KIAA0825: variants seen among roughly 807,000 people sequenced by gnomAD.
The protein encoded by KIAA0825 is KIAA0825, also known as uncharacterized protein KIAA0825.
In KIAA0825, 119 loss-of-function variants were observed where a neutral mutation model predicts 147.6. The observed-to-expected ratio is 0.81, with a 90% CI of 0.69 to 0.94. The LOEUF is 0.94. KIAA0825 is among the 40% of genes least tolerant of loss of function. The pLI, the probability that KIAA0825 is intolerant of heterozygous loss-of-function variation, is 0.00. For missense variants in KIAA0825, 1,381 were observed against 1,472.7 expected (o/e 0.94, Z 1.02); for synonymous variants, 470 against 518.1 (o/e 0.91, Z 1.26).
Position 94,462,546 on chromosome 5 carries a change from A to G in KIAA0825, c.2087T>C (p.Ile696Thr). Residue 696 changes from isoleucine (I) to threonine (T), a missense_variant, in exon 12 of 21, where the codon ATA becomes ACA. Transcript: ENST00000682413. ...TGACCATAACATGTTCTCAGTGCAT[A>G]TCAAAATTGTTGTGACATCAAGTCT... ...QLRLDVTTIL[I>T]CTENMLWSVC... The G allele has an allele frequency of 1.3e-6, 2 of 1,510,184 alleles. No homozygotes were observed. The highest frequency in any genetic ancestry group is 1.8e-6 in the Non-Finnish European group (2 of 1,130,188). 93.5% of individuals were successfully genotyped at this position (1,510,184 alleles called of 1,614,324 possible). A position where few individuals can be genotyped will look rare whatever the true frequency, so the allele number is the denominator to read the frequency against.
At chr5:94,406,111 G>C (rs1191198487) in intron 15 of KIAA0825, among the ~76,000 whole-genome samples, 3 of 151,954 alleles carry the variant, frequency 2.0e-5, no homozygotes, top group African/African-American at 7.3e-5. Context: ...ATGTTTAGTA[G>C]AGATGGGGTT....
intron 20 of KIAA0825, among the ~76,000 whole-genome samples, chr5:94,235,921 A>G (rs1775016528): frequency 6.6e-6 from 1 of 152,172 alleles, no homozygotes; most frequent in African/African-American, 2.4e-5. Flanking sequence ...GTTGAGACCT[A>G]CTGCTCAGAA....
chr5:94,535,734 T>A (rs1771874952), intron 3 of KIAA0825, among the ~76,000 whole-genome samples: 1 of 152,268 alleles, frequency 6.6e-6, no homozygotes, highest in South Asian at 2.1e-4. Context: ...ACTTCAGTGG[T>A]TGCCTGTTGC....
At chr5:94,608,791 T>C (rs1788143847) in intron 1 of KIAA0825, among the ~76,000 whole-genome samples, 1 of 151,764 alleles carries the variant, frequency 6.6e-6, no homozygotes, top group Non-Finnish European at 1.5e-5. Flanking sequence ...TTTTGGAAAA[T>C]TTGTATACTG....
chr5:94,597,473 A>G (rs143224641), intron 1 of KIAA0825, among the ~76,000 whole-genome samples: 3 of 152,328 alleles, frequency 2.0e-5, no homozygotes, highest in African/African-American at 7.2e-5. Context: ...ACTGAATTAA[A>G]GAAAAAACAC....
At chr5:94,558,717 G>GA (rs747522159) in intron 2 of KIAA0825, among the ~76,000 whole-genome samples, 2 of 152,188 alleles carry the variant, frequency 1.3e-5, no homozygotes. Context: ...GAAAACAGCA[G>GA]AAACAGGAAA....
At chr5:94,222,653 T>C (rs1444013280) in intron 20 of KIAA0825, among the ~76,000 whole-genome samples, 1 of 152,196 alleles carries the variant, frequency 6.6e-6, no homozygotes, top group African/African-American at 2.4e-5. Flanking sequence ...TATATATTTC[T>C]TTGCAAAGAT....
intron 8 of KIAA0825, among the ~76,000 whole-genome samples, chr5:94,472,040 T>C (rs145089566): frequency 4.6e-5 from 7 of 152,276 alleles, no homozygotes; most frequent in African/African-American, 1.7e-4. Context: ...ACTCAGAAAA[T>C]ATATCCTTGA....
At chr5:94,584,959 G>A (rs1168849428) in intron 1 of KIAA0825, among the ~76,000 whole-genome samples, 1 of 152,252 alleles carries the variant, frequency 6.6e-6, no homozygotes, top group Middle Eastern at 3.4e-3. Context: ...AAGGGCAGGG[G>A]AAATAAAATC....
chr5:94,193,216 G>T (rs993001698), intron 20 of KIAA0825, among the ~76,000 whole-genome samples: 1 of 152,148 alleles, frequency 6.6e-6, no homozygotes, highest in Non-Finnish European at 1.5e-5. Context: ...CCATGAGGGC[G>T]TGCCAGAACC....
chr5:94,584,172 C>T lies in KIAA0825; in HGVS notation c.-152-1589G>A, dbSNP rs11952491. Among the ~76,000 whole-genome samples, 146 of 152,274 alleles carry T rather than the reference C, an allele frequency of 9.6e-4. 1 individual carries two copies. Among genetic ancestry groups the T allele is most frequent in the African/African-American group, 3.4e-3 (141 of 41,552 alleles). ...ACTCTTCACCAGCAAAGGAACAAAA[C>T]TGGATGGAGAATGAGTTTGAGGAGT... On this transcript the variant is annotated intron_variant, in intron 1 of 20. Transcript: ENST00000682413.
intron 20 of KIAA0825, among the ~76,000 whole-genome samples, chr5:94,247,821 A>G (rs1444436192): frequency 7.2e-5 from 11 of 152,104 alleles, no homozygotes; most frequent in Non-Finnish European, 1.5e-5. Context: ...TTCTATTAAT[A>G]CTTTAGGATT....
At chr5:94,475,215 T>C (rs534628840) in intron 7 of KIAA0825, among the ~76,000 whole-genome samples, 429 of 152,316 alleles carry the variant, frequency 2.8e-3, no homozygotes, top group African/African-American at 9.3e-3. Context: ...GGGACACATT[T>C]ATGAAAAAAA....
chr5:94,252,959 T>G (rs1776046239), intron 20 of KIAA0825, among the ~76,000 whole-genome samples: 1 of 152,062 alleles, frequency 6.6e-6, no homozygotes, highest in Non-Finnish European at 1.5e-5. Context: ...TAAACCTACA[T>G]GGGAAATCAC....
At chr5:94,182,246 C>T (rs1769696007) in intron 20 of KIAA0825, among the ~76,000 whole-genome samples, 1 of 19,628 alleles carries the variant, frequency 5.1e-5, no homozygotes. Flanking sequence ...TTAAAATGTC[C>T]CTTCTTTTTT....
chr5:94,182,433 T>C (rs1289680952), intron 20 of KIAA0825, among the ~76,000 whole-genome samples: 1 of 151,168 alleles, frequency 6.6e-6, no homozygotes, highest in Non-Finnish European at 1.5e-5. Flanking sequence ...CTACTTTTTG[T>C]ATTTTTAGTA....
chr5:94,191,802 T>C (rs1770700596), intron 20 of KIAA0825, among the ~76,000 whole-genome samples: 1 of 152,250 alleles, frequency 6.6e-6, no homozygotes, highest in African/African-American at 2.4e-5. Flanking sequence ...CCTATTCATC[T>C]GAAATCAGCA....
chr5:94,275,117 C>A (rs1777164220), intron 20 of KIAA0825, among the ~76,000 whole-genome samples: 1 of 152,146 alleles, frequency 6.6e-6, no homozygotes, highest in South Asian at 2.1e-4. Context: ...TATATTCAAT[C>A]TAAGAAATAG....
intron 12 of KIAA0825, among the ~76,000 whole-genome samples, chr5:94,459,179 T>C (rs1293223624): frequency 6.6e-6 from 1 of 152,208 alleles, no homozygotes; most frequent in East Asian, 1.9e-4. Flanking sequence ...CTGAATAATA[T>C]TCCACTGTAT....
Sources: gnomAD v4.1 joint callset for allele counts (sites outside exome capture counted in the v4.1 genomes callset) on GRCh38, gnomAD v4.1.1 for gene constraint, MANE v1.5 for transcripts, NCBI Gene and HGNC (gene_info 2026-07-23, HGNC 2026-07-21) for gene names.